ATRX: variants seen among roughly 807,000 people sequenced by gnomAD.
ATRX encodes the protein ATRX chromatin remodeler.
In ATRX, 12 loss-of-function variants were observed where a neutral mutation model predicts 172.6. The observed-to-expected ratio is 0.07, with a 90% confidence interval of 0.04 to 0.11. The LOEUF is 0.11. ATRX is among the 10% of genes least tolerant of loss of function. The probability of loss-of-function intolerance (pLI) is 1.00; values close to 1 mark genes in which losing one functional copy is unlikely to be tolerated. For missense variants in ATRX, 1,368 were observed against 1,767.4 expected, an observed-to-expected ratio of 0.77 and a Z score of 4.05; for synonymous variants, 674 against 594.7, an observed-to-expected ratio of 1.13 and a Z score of -1.94.
At chrX:77,725,090 G>C (rs1367273165) in intron 1 of ATRX, among the ~76,000 whole-genome samples, 1 of 111,869 alleles carries the variant, frequency 8.9e-6, no homozygotes, top group Non-Finnish European at 1.9e-5. Context: ...CCAGCACTAT[G>C]TTATACCTCA....
intron 11 of ATRX, among the ~76,000 whole-genome samples, chrX:77,664,059 C>T (rs1339122955): frequency 5.6e-5 from 6 of 106,515 alleles, no homozygotes; most frequent in African/African-American, 2.1e-4. Flanking sequence ...CAAAATTGCG[C>T]TATTGCACCC....
chrX:77,740,763 A>G (rs782820781), intron 1 of ATRX, among the ~76,000 whole-genome samples: 1 of 111,177 alleles, frequency 9.0e-6, no homozygotes, highest in African/African-American at 3.3e-5. Flanking sequence ...CAACTGAGAC[A>G]GCAGCAAGAC....
chrX:77,530,519 G>C (rs1395727125), intron 30 of ATRX, among the ~76,000 whole-genome samples: 2 of 111,424 alleles, frequency 1.8e-5, no homozygotes, highest in Non-Finnish European at 3.8e-5. Flanking sequence ...TGAGGCAGGA[G>C]AATCCCTTGA....
chrX:77,615,536 A>G (rs939770727), intron 22 of ATRX, among the ~76,000 whole-genome samples: 1 of 111,888 alleles, frequency 8.9e-6, no homozygotes, highest in Non-Finnish European at 1.9e-5. Flanking sequence ...TTTATTATTC[A>G]AAACAGAATA....
At chrX:77,783,157 C>T (rs1403191646) in intron 1 of ATRX, among the ~76,000 whole-genome samples, 6 of 111,604 alleles carry the variant, frequency 5.4e-5, no homozygotes, top group African/African-American at 1.6e-4. Flanking sequence ...ATCACTTGAA[C>T]CTGGGAGGCG....
At chrX:77,728,340 C>T (rs1449025344) in intron 1 of ATRX, among the ~76,000 whole-genome samples, 1 of 111,902 alleles carries the variant, frequency 8.9e-6, no homozygotes. Context: ...CTATCACAGA[C>T]ATTTTACATG....
chrX:77,530,438 C>T (rs1467443216), intron 30 of ATRX, among the ~76,000 whole-genome samples: 2 of 110,276 alleles, frequency 1.8e-5, no homozygotes, highest in Non-Finnish European at 3.8e-5. Context: ...GAAACCCCAT[C>T]TCTACTAAAA....
rs148549663 is a variant in ATRX at position 77,744,437 on chromosome X, T to C, written c.21-27194A>G. 4.5e-5 allele frequency among the ~76,000 whole-genome samples: 5 copies of C among 112,200 alleles called. No individual in the cohort carries two copies. In the East Asian group the frequency reaches 1.4e-3, roughly 31 times the overall value. The stretch of plus-strand genomic sequence containing the variant: ...AGTAAATTCAAAGATAAGAAGTGAC[T>C]GTTACAGCACATGCACAGAAATCAA... On this transcript the variant is annotated intron_variant, in intron 1 of 34. Transcript: ENST00000373344.
chrX:77,629,496 G>A (rs1276582736), intron 19 of ATRX, among the ~76,000 whole-genome samples: 1 of 111,758 alleles, frequency 8.9e-6, no homozygotes, highest in Non-Finnish European at 1.9e-5. Context: ...TCTTGTTGCA[G>A]ATGGTTACCC....
chrX:77,752,458 T>A (rs1313406612), intron 1 of ATRX, among the ~76,000 whole-genome samples: 1 of 111,945 alleles, frequency 8.9e-6, no homozygotes, highest in East Asian at 2.8e-4. Flanking sequence ...GCTATTTGAA[T>A]AACCTTTATT....
At chrX:77,635,393 A>AC (rs2068301345) in intron 16 of ATRX, among the ~76,000 whole-genome samples, 1 of 111,964 alleles carries the variant, frequency 8.9e-6, no homozygotes, top group African/African-American at 3.2e-5. Flanking sequence ...AGGAAAAAAA[A>AC]ACCCATGAGA....
intron 12 of ATRX, among the ~76,000 whole-genome samples, chrX:77,659,941 T>C (rs1391318437): frequency 2.7e-5 from 3 of 111,574 alleles, no homozygotes; most frequent in African/African-American, 9.8e-5. Context: ...ACAATCCATA[T>C]TAGAAACACA....
At chrX:77,785,098 C>A (rs2148991620) in intron 1 of ATRX, among the ~76,000 whole-genome samples, 1 of 111,728 alleles carries the variant, frequency 9.0e-6, no homozygotes, top group South Asian at 3.7e-4. Flanking sequence ...CAGCTTCAAC[C>A]TAATAAACGT....
At chrX:77,644,610 G>A (rs192352543) in intron 15 of ATRX, among the ~76,000 whole-genome samples, 1 of 110,316 alleles carries the variant, frequency 9.1e-6, no homozygotes, top group East Asian at 2.8e-4. Flanking sequence ...CAGCCAAATA[G>A]GAAAATATGG....
At chrX:77,528,629 A>G (rs1423237654) in intron 30 of ATRX, among the ~76,000 whole-genome samples, 1 of 111,254 alleles carries the variant, frequency 9.0e-6, no homozygotes, top group Non-Finnish European at 1.9e-5. Flanking sequence ...ACAACAAAAA[A>G]AGGCCCCGAA....
chrX:77,657,035 T>C (rs1252672272), intron 12 of ATRX, among the ~76,000 whole-genome samples: 4 of 111,573 alleles, frequency 3.6e-5, no homozygotes, highest in African/African-American at 1.3e-4. Context: ...AGATTACAGA[T>C]TGTCTCCACC....
chrX:77,546,058 G>A lies in ATRX; in HGVS notation c.6699+11393C>T, dbSNP rs553031187. Among the ~76,000 whole-genome samples, 15 of 110,986 alleles carry A rather than the reference G, an allele frequency of 1.4e-4. No homozygotes were observed. The South Asian group carries it at 5.3e-3, about 39-fold the overall frequency. ...ATAAACCCACAGTATTGATTAAAAC[G>A]GTGTAAAGTCATATCAAACCTCAAT... On this transcript the variant is annotated intron_variant, in intron 30 of 34. Transcript: ENST00000373344.
intron 1 of ATRX, among the ~76,000 whole-genome samples, chrX:77,767,427 G>A (rs1186738078): frequency 9.2e-5 from 10 of 109,167 alleles, no homozygotes; most frequent in African/African-American, 1.7e-4. Flanking sequence ...ACAGAGTCTC[G>A]CTCTGTCACC....
intron 27 of ATRX, among the ~76,000 whole-genome samples, chrX:77,580,915 A>G (rs1451691578): frequency 8.9e-6 from 1 of 112,218 alleles, no homozygotes; most frequent in African/African-American, 3.2e-5. Context: ...AAGTGGACAA[A>G]GTTAAGGTGT....
Sources: gnomAD v4.1 joint callset for allele counts (sites outside exome capture counted in the v4.1 genomes callset) on GRCh38, gnomAD v4.1.1 for gene constraint, MANE v1.5 for transcripts, NCBI Gene and HGNC (gene_info 2026-07-23, HGNC 2026-07-21) for gene names.